ZNF626: variants seen among roughly 807,000 people sequenced by gnomAD.
ZNF626 encodes the protein zinc finger protein 626, also known as CTC-513N18.7.
In ZNF626, 4 loss-of-function variants were observed where a neutral mutation model predicts 11.7. The observed-to-expected ratio is 0.34, with a 90% CI of 0.17 to 0.78. The LOEUF (loss-of-function observed/expected upper bound fraction) is 0.78, where lower values mean the gene tolerates loss of function less well. ZNF626 is among the 30% of genes least tolerant of loss of function. ZNF626 has a pLI of 0.57. For missense variants in ZNF626, 588 were observed against 587.1 expected, an observed-to-expected ratio of 1.00 and a Z score of -0.01; for synonymous variants, 179 against 198.6, an observed-to-expected ratio of 0.90 and a Z score of 0.83.
At chr19:20,660,873 G>C (rs1970259401) in intron 1 of ZNF626, among the ~76,000 whole-genome samples, 1 of 152,292 alleles carries the variant, frequency 6.6e-6, no homozygotes, top group South Asian at 2.1e-4. Flanking sequence ...AAAAGGAAAA[G>C]GGGGTAGAAG....
intron 3 of ZNF626, among the ~76,000 whole-genome samples, chr19:20,629,576 C>G (rs1424035219): frequency 1.4e-4 from 22 of 152,042 alleles, no homozygotes; most frequent in African/African-American, 3.9e-4. Flanking sequence ...TGATTTGGCT[C>G]TCTGTCTGTT....
chr19:20,630,208 G>A lies in ZNF626; in HGVS notation c.227-4558C>T, dbSNP rs541291911. Among the ~76,000 whole-genome samples the A allele has an allele frequency of 9.9e-3, 1,504 of 152,174 alleles. 23 individuals are homozygous for A. The highest frequency in any genetic ancestry group is 0.033 in the African/African-American group (1,387 of 41,522). ...GTATTTTATTGAGGATTTTTGCATC[G>A]ATGTTCATCAAGGATATTGGTCGAA... On this transcript the variant is annotated intron_variant, in intron 3 of 3. Transcript: ENST00000601440.
rs1555769092 is a variant in ZNF626, at chr19:20,624,114, A to G, written c.*176T>C. Reference sequence around the variant, plus strand: ...ATTCACATCTGTAGGGTTTCTCTCCAGTATGAAATCTCTTATGTGTAGTAA... The same window carrying G: ...ATTCACATCTGTAGGGTTTCTCTCCGGTATGAAATCTCTTATGTGTAGTAA... On this transcript the variant is annotated 3_prime_UTR_variant, in exon 4 of 4. Transcript: ENST00000601440. 2 of 1,064,888 alleles carry G rather than the reference A, an allele frequency of 1.9e-6. No homozygotes were observed. Among genetic ancestry groups the G allele is most frequent in the Non-Finnish European group, 2.9e-6 (2 of 683,208 alleles). The allele number at this position is 1,064,888 out of a possible 1,614,324, so 66.0% of individuals were successfully genotyped here.
At chr19:20,656,791 A>G (rs1464747274) in intron 1 of ZNF626, among the ~76,000 whole-genome samples, 1 of 152,178 alleles carries the variant, frequency 6.6e-6, no homozygotes, top group Non-Finnish European at 1.5e-5. Flanking sequence ...AAGTCAAAAA[A>G]TAACAGATGC....
At chr19:20,641,748 T>A (rs1486251857) in intron 3 of ZNF626, among the ~76,000 whole-genome samples, 2 of 151,106 alleles carry the variant, frequency 1.3e-5, no homozygotes, top group Non-Finnish European at 1.5e-5. Context: ...TAGAAAGGGG[T>A]CTCCATATGT....
At chr19:20,661,400 A>G (rs1555773681) in intron 1 of ZNF626, 44 bp downstream of exon 1, 11 of 1,613,300 alleles carry the variant, frequency 6.8e-6, no homozygotes, top group South Asian at 1.1e-5. Context: ...ACCGGTTCCA[A>G]CCAGTCCCTC....
intron 3 of ZNF626, among the ~76,000 whole-genome samples, chr19:20,641,924 T>TAAA (rs10663928): frequency 1.9e-4 from 28 of 147,782 alleles, no homozygotes; most frequent in Admixed American, 3.4e-4. Context: ...AAACAATGTT[T>TAAA]AAAAAAAAAA....
At chr19:20,628,959 A>G (rs1555770089) in intron 3 of ZNF626, among the ~76,000 whole-genome samples, 1 of 152,174 alleles carries the variant, frequency 6.6e-6, no homozygotes, top group African/African-American at 2.4e-5. Flanking sequence ...TAATTTTTGT[A>G]TAAGGTGTAA....
At chr19:20,647,482 T>C (rs1299189087) in intron 1 of ZNF626, among the ~76,000 whole-genome samples, 1 of 131,914 alleles carries the variant, frequency 7.6e-6, no homozygotes, top group Non-Finnish European at 1.5e-5. Flanking sequence ...ACTAGGACAA[T>C]GGTTTTTTTT....
At position 20,651,193 on chromosome 19, in the gene ZNF626, A is replaced by C. The variant is rs1210470405; in HGVS notation, c.4-4788T>G. On this transcript the variant is annotated intron_variant, in intron 1 of 3. Coordinates refer to ENST00000601440, the MANE Select transcript of ZNF626 (RefSeq NM_001076675.3). ...CAGAGGGAGACTCCATATCAAAAAA[A>C]AAAAAAAAAAGAAATTATAACAACA... Among the ~76,000 whole-genome samples the C allele has an allele frequency of 2.0e-5, 3 of 151,828 alleles. No individual in the cohort carries two copies. The East Asian group carries it at 5.8e-4, about 29-fold the overall frequency.
chr19:20,646,216 C>A, intron 2 of ZNF626, 63 bp downstream of exon 2: 1 of 1,467,302 alleles, frequency 6.8e-7, no homozygotes, highest in Non-Finnish European at 9.1e-7. Context: ...TACTAAAAAA[C>A]ATTCTACAAA....
intron 1 of ZNF626, among the ~76,000 whole-genome samples, chr19:20,656,919 A>G (rs782033271): frequency 2.0e-5 from 3 of 152,220 alleles, no homozygotes; most frequent in African/African-American, 4.8e-5. Flanking sequence ...AGAATTATCA[A>G]TTTGACCCAG....
chr19:20,659,475 C>G lies in ZNF626; in HGVS notation c.3+1969G>C, dbSNP rs552938985. ...AGGCTGGTCTCAAGCTCCTGACTTG[C>G]GGTGATCCGTCCGCCTAGGCCTCCC... On this transcript the variant is annotated intron_variant, in intron 1 of 3. Transcript: ENST00000601440. 2.6e-3 allele frequency among the ~76,000 whole-genome samples: 389 copies of G among 152,202 alleles called. 1 individual carries two copies. The highest frequency in any genetic ancestry group is 4.0e-3 in the Non-Finnish European group (271 of 67,980).
rs782056591 is a variant in ZNF626, at chr19:20,625,212, A to G, written c.665T>C (p.Ile222Thr). The change falls in exon 4 of 4, where the codon ATT becomes ACT. Residue 222 changes from isoleucine (I) to threonine (T), a missense_variant. Physicochemically the swap from Ile to Thr is moderately conservative, Grantham distance 89. Coordinates refer to ENST00000601440, the MANE Select transcript of ZNF626 (RefSeq NM_001076675.3). ...TTTGTAGGGTTTCTCTCCAGTATGA[A>G]TTTTCTTATGTCTAGTAAGGCTACA... is the stretch of plus-strand genomic sequence containing the variant. ...HSCSLTRHKK[I>T]HTGEKPYKCE... 6.8e-6 allele frequency: 11 copies of G among 1,612,492 alleles called. No individual in the cohort carries two copies. The South Asian group carries it at 1.2e-4, about 18-fold the overall frequency.
chr19:20,630,157 T>G (rs1167400939), intron 3 of ZNF626, among the ~76,000 whole-genome samples: 11 of 152,120 alleles, frequency 7.2e-5, no homozygotes, highest in South Asian at 2.1e-4. Flanking sequence ...TAAGCTTTTT[T>G]ATGTGCTGCT....
At chr19:20,655,803 C>T (rs999160739) in intron 1 of ZNF626, among the ~76,000 whole-genome samples, 6 of 151,886 alleles carry the variant, frequency 4.0e-5, no homozygotes, top group Admixed American at 6.6e-5. Context: ...GGCATGGTGG[C>T]GGGTGCCTGT....
chr19:20,651,172 G>C (rs1555772559), intron 1 of ZNF626, among the ~76,000 whole-genome samples: 2 of 136,202 alleles, frequency 1.5e-5, no homozygotes, highest in Non-Finnish European at 3.2e-5. Flanking sequence ...GGGTGACAGA[G>C]GGAGACTCCA....
intron 1 of ZNF626, among the ~76,000 whole-genome samples, chr19:20,652,330 T>C (rs1283533112): frequency 2.7e-5 from 4 of 147,052 alleles, no homozygotes; most frequent in Non-Finnish European, 5.9e-5. Flanking sequence ...ACAACATGAA[T>C]ATAAGTAGAC....
intron 1 of ZNF626, 80 bp downstream of exon 1, chr19:20,661,364 C>A: frequency 6.3e-7 from 1 of 1,584,072 alleles, no homozygotes; most frequent in Non-Finnish European, 8.7e-7. Context: ...TGCGGGGAGG[C>A]CTGAGTCCCG....
Sources: allele counts gnomAD v4.1 joint callset (sites outside exome capture counted in the v4.1 genomes callset), GRCh38; gene constraint gnomAD v4.1.1; transcripts MANE v1.5; gene names NCBI Gene and HGNC (gene_info 2026-07-23, HGNC 2026-07-21).